The following TLN2 variants were observed in gnomAD, a reference collection of about 807,000 sequenced individuals.
TLN2 encodes talin 2, also known as talin-2.
In TLN2, 118 loss-of-function variants were observed where a neutral mutation model predicts 294.7. The observed-to-expected ratio is 0.40, with a 90% CI of 0.34 to 0.47. TLN2 has a LOEUF of 0.47. TLN2 is among the 20% of genes least tolerant of loss of function. The probability of loss-of-function intolerance (pLI) is 0.84; values close to 1 mark genes in which losing one functional copy is unlikely to be tolerated. For synonymous variants in TLN2, 1,431 were observed against 1,304.5 expected (o/e 1.10, Z -2.09); for missense variants, 3,083 against 3,282.2 (o/e 0.94, Z 1.48).
intron 1 of TLN2, among the ~76,000 whole-genome samples, chr15:62,559,997 T>A (rs932478284): frequency 1.3e-5 from 2 of 151,448 alleles, no homozygotes; most frequent in African/African-American, 4.9e-5. Flanking sequence ...CTGGCCAGAA[T>A]TGGCCTATTT....
chr15:62,491,171 A>C (rs894469814), intron 1 of TLN2, among the ~76,000 whole-genome samples: 3 of 151,968 alleles, frequency 2.0e-5, no homozygotes, highest in Non-Finnish European at 2.9e-5. Flanking sequence ...AAAATACAAA[A>C]ATTAGCTGGG....
rs1341792364 is a variant in TLN2, at chr15:62,802,709, C to G, written c.6477+1940C>G. Among the ~76,000 whole-genome samples, 87 of 152,194 alleles carry G rather than the reference C, an allele frequency of 5.7e-4. 1 individual carries two copies. Among genetic ancestry groups the G allele is most frequent in the Non-Finnish European group, 1.0e-4 (7 of 68,038 alleles). On this transcript the variant is annotated intron_variant, in intron 50 of 58. Transcript: ENST00000636159. ...TTCCCACCCACAGTGAACAAGGGTT[C>G]CCTTTTCTCCACATCCCTGCCAGCA... is the stretch of plus-strand genomic sequence containing the variant.
intron 3 of TLN2, among the ~76,000 whole-genome samples, chr15:62,641,514 G>A (rs1283861510): frequency 6.6e-6 from 1 of 152,062 alleles, no homozygotes; most frequent in East Asian, 1.9e-4. Context: ...TACTCGGGAG[G>A]CTGAGGCAGG....
intron 9 of TLN2, among the ~76,000 whole-genome samples, chr15:62,671,232 T>C (rs2055377226): frequency 6.6e-6 from 1 of 152,234 alleles, no homozygotes. Context: ...CTATGGATTG[T>C]ATTTTCGCTT....
chr15:62,791,011 G>T (rs974566343), intron 45 of TLN2, among the ~76,000 whole-genome samples: 2 of 152,156 alleles, frequency 1.3e-5, no homozygotes, highest in African/African-American at 4.8e-5. Flanking sequence ...AAGGTGTATA[G>T]AAGTGTATAG....
chr15:62,666,474 G>T (rs913583491), intron 9 of TLN2, among the ~76,000 whole-genome samples: 11 of 152,158 alleles, frequency 7.2e-5, no homozygotes, highest in African/African-American at 2.4e-4. Context: ...GAACCTGCCA[G>T]TGCCTTGACC....
chr15:62,799,272 A>G (rs1596038419), intron 48 of TLN2, among the ~76,000 whole-genome samples: 1 of 152,168 alleles, frequency 6.6e-6, no homozygotes, highest in South Asian at 2.1e-4. Context: ...CGAGGAGTAA[A>G]TGAGATAATG....
At chr15:62,526,152 C>A (rs1200975757) in intron 1 of TLN2, among the ~76,000 whole-genome samples, 1 of 152,068 alleles carries the variant, frequency 6.6e-6, no homozygotes, top group Admixed American at 6.5e-5. Context: ...TTATTTGAGA[C>A]GGAGGCTCTC....
intron 2 of TLN2, among the ~76,000 whole-genome samples, chr15:62,592,470 G>A (rs2046157533): frequency 1.3e-5 from 2 of 152,078 alleles, no homozygotes; most frequent in African/African-American, 4.8e-5. Context: ...TCCCTTTTTA[G>A]GAAAAAGCTG....
chr15:62,535,955 C>T (rs966209435), intron 1 of TLN2, among the ~76,000 whole-genome samples: 3 of 152,208 alleles, frequency 2.0e-5, no homozygotes, highest in East Asian at 3.8e-4. Flanking sequence ...TGACTGCTAC[C>T]GCTCTCAACA....
At chr15:62,824,237 G>C (rs553756701) in intron 54 of TLN2, among the ~76,000 whole-genome samples, 19 of 152,250 alleles carry the variant, frequency 1.2e-4, no homozygotes, top group Middle Eastern at 3.4e-3. Flanking sequence ...TGTTTCATAA[G>C]AGCCTGGGGT....
intron 19 of TLN2, 124 bp from the exon 20 acceptor site, chr15:62,706,962 A>C (rs2059113294): frequency 8.2e-7 from 1 of 1,219,182 alleles, no homozygotes; most frequent in African/African-American, 1.5e-5. Context: ...TTCAAAAAAA[A>C]GTAAAAAAAC....
At chr15:62,621,289 T>C (rs564651935) in intron 3 of TLN2, among the ~76,000 whole-genome samples, 17 of 152,220 alleles carry the variant, frequency 1.1e-4, no homozygotes, top group Non-Finnish European at 2.2e-4. Context: ...CAGGGTGATA[T>C]TGTATGGCTG....
At chr15:62,555,352 T>G (rs1173146110) in intron 1 of TLN2, among the ~76,000 whole-genome samples, 2 of 152,230 alleles carry the variant, frequency 1.3e-5, no homozygotes, top group African/African-American at 4.8e-5. Context: ...TTTTTTTGTC[T>G]GAAGATTTTT....
chr15:62,573,308 C>A (rs1356927570), intron 1 of TLN2, among the ~76,000 whole-genome samples: 1 of 152,114 alleles, frequency 6.6e-6, no homozygotes, highest in Non-Finnish European at 1.5e-5. Context: ...CACTGAGAGA[C>A]CTGAGCCCTG....
intron 3 of TLN2, among the ~76,000 whole-genome samples, chr15:62,629,408 G>A (rs1262994622): frequency 2.4e-4 from 37 of 152,200 alleles, no homozygotes; most frequent in Admixed American, 2.4e-3. Flanking sequence ...AGGTTATACC[G>A]ATTCCAACTT....
intron 1 of TLN2, among the ~76,000 whole-genome samples, chr15:62,491,349 TATACACACACAC>T (rs1429944807): frequency 0.018 from 1,485 of 84,470 alleles, 9 homozygotes; most frequent in African/African-American, 0.032. Context: ...TATATATATA[TATACACACACAC>T]ACACACACAC....
intron 1 of TLN2, among the ~76,000 whole-genome samples, chr15:62,458,990 A>C (rs1566990016): frequency 6.6e-6 from 1 of 151,810 alleles, no homozygotes; most frequent in Non-Finnish European, 1.5e-5. Context: ...TGTGGAAAGC[A>C]GTAGACTCTA....
chr15:62,678,072 G>A lies in TLN2; in HGVS notation c.957+2751G>A, dbSNP rs983945599. ...GGCCTCCCAAAGTGCTGGGATTACA[G>A]GCGTGAGCCACCACCCCTGGCCAAG... On this transcript the variant is annotated intron_variant, in intron 11 of 58. Coordinates refer to ENST00000636159, the MANE Select transcript of TLN2 (RefSeq NM_015059.3). Among the ~76,000 whole-genome samples, 3 of 152,120 alleles carry A rather than the reference G, an allele frequency of 2.0e-5. No homozygotes were observed. In the South Asian group the frequency reaches 6.2e-4, roughly 32 times the overall value.
Sources: gnomAD v4.1 joint callset for allele counts (sites outside exome capture counted in the v4.1 genomes callset) on GRCh38, gnomAD v4.1.1 for gene constraint, MANE v1.5 for transcripts, NCBI Gene and HGNC (gene_info 2026-07-23, HGNC 2026-07-21) for gene names.